Variants in CCNY observed in about 807,000 individuals in gnomAD.
CCNY encodes the protein cyclin Y.
In CCNY, 19 loss-of-function variants were observed where a neutral mutation model predicts 42.8. The observed-to-expected ratio is 0.44, with a 90% CI of 0.31 to 0.65. CCNY has a LOEUF of 0.65. Ranked by LOEUF, CCNY falls within the 30% of genes least tolerant of loss-of-function variation. CCNY has a pLI of 0.07. For missense variants in CCNY, 370 were observed against 437.3 expected (o/e 0.85, Z 1.37); for synonymous variants, 165 against 162.7 (o/e 1.01, Z -0.11).
At chr10:35,270,854 T>C (rs1835156049) in intron 3 of CCNY, among the ~76,000 whole-genome samples, 1 of 151,272 alleles carries the variant, frequency 6.6e-6, no homozygotes, top group Non-Finnish European at 1.5e-5. Context: ...GCCTCCCAAG[T>C]AGCTGGGACT....
chr10:35,340,259 C>T (rs1207122996), intron 1 of CCNY, among the ~76,000 whole-genome samples: 1 of 152,162 alleles, frequency 6.6e-6, no homozygotes, highest in Non-Finnish European at 1.5e-5. Flanking sequence ...GGGTTGCCTT[C>T]TGGGATAGGG....
chr10:35,355,358 A>C (rs886458792), intron 1 of CCNY, among the ~76,000 whole-genome samples: 1 of 152,134 alleles, frequency 6.6e-6, no homozygotes, highest in African/African-American at 2.4e-5. Flanking sequence ...AAGTAAAGTT[A>C]AGGCTAAGTT....
chr10:35,295,485 G>T lies in CCNY; in HGVS notation c.-9+44859G>T, dbSNP rs562172088. On this transcript the variant is annotated intron_variant, in intron 3 of 11. Transcript: ENST00000374706. ...AACCTCAGGTGATCCGCCCGTTTCT[G>T]CCTCCCAAAGTGCTGGGATTACAGG... Among the ~76,000 whole-genome samples, 10 of 152,140 alleles carry T rather than the reference G, an allele frequency of 6.6e-5. No individual in the cohort carries two copies. The East Asian group carries it at 1.7e-3, about 27-fold the overall frequency.
rs1305911950 is a variant in CCNY, at chr10:35,419,548, T to A, written c.155-63856T>A. ...TAGACCGTTCCTTTTTTTTTTTTTT[T>A]AGCAATCTGGAGGATTTTTAAGGTG... On this transcript the variant is annotated intron_variant, in intron 1 of 9. Coordinates refer to ENST00000374704, the MANE Select transcript of CCNY (RefSeq NM_145012.6). 1.4e-4 allele frequency among the ~76,000 whole-genome samples: 21 copies of A among 146,180 alleles called. 1 individual carries two copies. The highest frequency in any genetic ancestry group is 2.2e-4 in the Non-Finnish European group (15 of 66,676).
chr10:35,369,102 A>T (rs975131153), intron 1 of CCNY, among the ~76,000 whole-genome samples: 2 of 152,238 alleles, frequency 1.3e-5, no homozygotes, highest in African/African-American at 4.8e-5. Context: ...AGGGCCAAAC[A>T]TTCAAAAAGC....
At chr10:35,420,278 G>C (rs967506667) in intron 1 of CCNY, among the ~76,000 whole-genome samples, 1 of 152,164 alleles carries the variant, frequency 6.6e-6, no homozygotes, top group African/African-American at 2.4e-5. Context: ...AGGAATATTT[G>C]GTAAAGTTGA....
chr10:35,394,932 C>A (rs768779855), intron 1 of CCNY: 20 of 745,464 alleles, frequency 2.7e-5, no homozygotes, highest in Non-Finnish European at 3.3e-5. Flanking sequence ...TCACTGAGGG[C>A]TTCTCTTTGG....
At chr10:35,435,081 A>G (rs897259296) in intron 1 of CCNY, among the ~76,000 whole-genome samples, 2 of 152,238 alleles carry the variant, frequency 1.3e-5, no homozygotes, top group Non-Finnish European at 2.9e-5. Context: ...GATTGGGGCA[A>G]TGAGTTGAGG....
chr10:35,319,147 T>G (rs1835794004), intron 3 of CCNY, among the ~76,000 whole-genome samples: 1 of 152,158 alleles, frequency 6.6e-6, no homozygotes, highest in Non-Finnish European at 1.5e-5. Flanking sequence ...AAATTATTTG[T>G]AGAGATGAGG....
chr10:35,387,946 C>A (rs565232491), intron 1 of CCNY, among the ~76,000 whole-genome samples: 8 of 152,150 alleles, frequency 5.3e-5, no homozygotes, highest in Non-Finnish European at 1.5e-5. Context: ...CCTTTGTGCA[C>A]GTTCACTTAC....
intron 1 of CCNY, among the ~76,000 whole-genome samples, chr10:35,454,281 C>T (rs952275062): frequency 2.6e-5 from 4 of 152,212 alleles, no homozygotes; most frequent in Admixed American, 6.5e-5. Flanking sequence ...GCATAGAAGC[C>T]GTTTCAGCTT....
At chr10:35,419,599 T>C (rs1487342057) in intron 1 of CCNY, among the ~76,000 whole-genome samples, 2 of 151,618 alleles carry the variant, frequency 1.3e-5, no homozygotes, top group Non-Finnish European at 2.9e-5. Flanking sequence ...GAGGAAGTTA[T>C]TGGATAGCTA....
chr10:35,430,814 A>T (rs187494240), intron 1 of CCNY, among the ~76,000 whole-genome samples: 29 of 152,322 alleles, frequency 1.9e-4, no homozygotes, highest in East Asian at 3.9e-4. Flanking sequence ...TAGAATTTTT[A>T]AAAAAATTTA....
At chr10:35,477,219 C>T (rs1839534215) in intron 1 of CCNY, among the ~76,000 whole-genome samples, 1 of 152,218 alleles carries the variant, frequency 6.6e-6, no homozygotes, top group Admixed American at 6.5e-5. Flanking sequence ...CAAAGAGGAA[C>T]TGGTACCTTT....
chr10:35,249,671 A>C (rs1378818857), intron 2 of CCNY, among the ~76,000 whole-genome samples: 2 of 152,220 alleles, frequency 1.3e-5, no homozygotes, highest in Admixed American at 6.5e-5. Flanking sequence ...AGCAAGATAG[A>C]ATGGCTGACC....
intron 1 of CCNY, among the ~76,000 whole-genome samples, chr10:35,380,978 C>G (rs1397188259): frequency 6.6e-6 from 1 of 152,152 alleles, no homozygotes; most frequent in Admixed American, 6.5e-5. Context: ...CATTTTAACT[C>G]TGATAGGCAG....
intron 7 of CCNY, among the ~76,000 whole-genome samples, chr10:35,550,951 C>T (rs1841243214): frequency 2.0e-5 from 3 of 152,122 alleles, no homozygotes; most frequent in Non-Finnish European, 4.4e-5. Flanking sequence ...AGTTTGAGCT[C>T]CAGACCTGCA....
At chr10:35,524,360 G>T (rs1840607047) in intron 4 of CCNY, among the ~76,000 whole-genome samples, 1 of 152,210 alleles carries the variant, frequency 6.6e-6, no homozygotes, top group Non-Finnish European at 1.5e-5. Flanking sequence ...TTGCTCATGA[G>T]TACTTTCAAC....
intron 1 of CCNY, among the ~76,000 whole-genome samples, chr10:35,478,555 A>G (rs1388419812): frequency 6.6e-6 from 1 of 152,218 alleles, no homozygotes; most frequent in Non-Finnish European, 1.5e-5. Flanking sequence ...TCCCTATTTA[A>G]TAAATGGTGC....
Sources: gnomAD v4.1 joint callset for allele counts (sites outside exome capture counted in the v4.1 genomes callset) on GRCh38, gnomAD v4.1.1 for gene constraint, MANE v1.5 for transcripts, NCBI Gene and HGNC (gene_info 2026-07-23, HGNC 2026-07-21) for gene names.